The following ARID1A variants were observed in gnomAD, a reference collection of about 807,000 sequenced individuals.
The protein encoded by ARID1A is AT-rich interaction domain 1A.
Under a neutral mutation model 212.6 loss-of-function variants are expected in ARID1A, and 20 were observed. That is an observed-to-expected ratio of 0.09 (90% confidence interval 0.07 to 0.14). The LOEUF (loss-of-function observed/expected upper bound fraction) is 0.14, where lower values mean the gene tolerates loss of function less well. Ranked by LOEUF, ARID1A falls within the 10% of genes least tolerant of loss-of-function variation. ARID1A has a pLI of 1.00. For missense variants in ARID1A, 2,587 were observed against 3,059.0 expected, an observed-to-expected ratio of 0.85 and a Z score of 3.64; for synonymous variants, 1,376 against 1,222.1, an observed-to-expected ratio of 1.13 and a Z score of -2.63.
chr1:26,714,905 A>G lies in ARID1A; in HGVS notation c.1138-14746A>G, dbSNP rs77222375. ...GCTGCTTCTTGGTGTTTTTATCAAC[A>G]TACAGTACTTGATTGGATTGATGTA... On this transcript the variant is annotated intron_variant, in intron 1 of 19. Coordinates refer to ENST00000324856, the MANE Select transcript of ARID1A (RefSeq NM_006015.6). Among the ~76,000 whole-genome samples the G allele has an allele frequency of 2.4e-3, 372 of 152,350 alleles. 3 individuals are homozygous for G. Among genetic ancestry groups the G allele is most frequent in the African/African-American group, 8.5e-3 (355 of 41,580 alleles).
At chr1:26,752,121 A>G (rs930369738) in intron 4 of ARID1A, among the ~76,000 whole-genome samples, 10 of 152,316 alleles carry the variant, frequency 6.6e-5, no homozygotes, top group African/African-American at 2.4e-4. Flanking sequence ...GCTTGGTCCT[A>G]CACTAAAAGG....
chr1:26,768,451 A>G (rs2081057421), intron 11 of ARID1A, among the ~76,000 whole-genome samples: 1 of 152,192 alleles, frequency 6.6e-6, no homozygotes, highest in Non-Finnish European at 1.5e-5. Context: ...ATAACCCACT[A>G]GACTGTCAAA....
Position 26,696,625 on chromosome 1 carries a change from G to C in ARID1A, c.222G>C (p.Gln74His). 7.9e-7 allele frequency: 1 copy of C among 1,271,354 alleles called. No homozygotes were observed. The highest frequency in any genetic ancestry group is 3.2e-5 in the East Asian group (1 of 31,628). The allele number at this position is 1,271,354 out of a possible 1,614,324, so 78.8% of individuals were successfully genotyped here. The change falls in exon 1 of 20, where the codon CAG (glutamine) becomes CAC (histidine). Residue 74 changes from glutamine (Q) to histidine (H), a missense_variant. This residue lies in a region of ARID1A where 735 missense variants were observed against 590.6 expected (regional missense o/e 1.24). Transcript: ENST00000324856. ...CGCAGCCGCTGGGAAAGGAGCTGCA[G>C]GACGGGGCCGAGAGCAATGGGGGTG... ...GPPQPLGKEL[Q>H]DGAESNGGGG...
Position 26,772,161 on chromosome 1 carries a change from C to G in ARID1A, c.3407-339C>G, listed in dbSNP as rs2081088045. The G allele has an allele frequency of 1.2e-5, 3 of 245,252 alleles. No individual in the cohort carries two copies. The South Asian group carries it at 2.5e-4, about 21-fold the overall frequency. The allele number at this position is 245,252 out of a possible 1,614,324, so 15.2% of individuals were successfully genotyped here. A position where few individuals can be genotyped will look rare whatever the true frequency, so the allele number is the denominator to read the frequency against. The stretch of plus-strand genomic sequence containing the variant: ...GGAGGCTCTGACTGGAGCTCATGCA[C>G]CAGCATTACAGGGTTTAGTAGGTTA... On this transcript the variant is annotated intron_variant, in intron 12 of 19. Coordinates refer to ENST00000324856, the MANE Select transcript of ARID1A (RefSeq NM_006015.6).
In ARID1A at chr1:26,781,138, T is replaced by C. The variant is rs1198014666; in HGVS notation, c.*382T>C. Reference sequence around the variant, plus strand: ...GTCCTTGCATCAACGGGATGCCACATTTCATAACTGTTTTTAATGGTAAAA... The same window carrying C: ...GTCCTTGCATCAACGGGATGCCACACTTCATAACTGTTTTTAATGGTAAAA... On this transcript the variant is annotated 3_prime_UTR_variant, in exon 20 of 20. Coordinates refer to ENST00000324856, the MANE Select transcript of ARID1A (RefSeq NM_006015.6). 4.0e-6 allele frequency: 1 copy of C among 251,184 alleles called. No homozygotes were observed. The highest frequency in any genetic ancestry group is 5.5e-5 in the Admixed American group (1 of 18,178). The allele number at this position is 251,184 out of a possible 1,614,324, so 15.6% of individuals were successfully genotyped here. A position where few individuals can be genotyped will look rare whatever the true frequency, so the allele number is the denominator to read the frequency against.
chr1:26,706,462 G>C (rs1380428548), intron 1 of ARID1A, among the ~76,000 whole-genome samples: 3 of 152,162 alleles, frequency 2.0e-5, no homozygotes, highest in Non-Finnish European at 4.4e-5. Context: ...TGTGCTTGGT[G>C]TTTTTATTTT....
intron 1 of ARID1A, among the ~76,000 whole-genome samples, chr1:26,705,918 A>G (rs754641171): frequency 2.0e-5 from 3 of 152,254 alleles, no homozygotes; most frequent in Admixed American, 6.5e-5. Flanking sequence ...TCTAATGCCA[A>G]GAATGCATTC....
chr1:26,733,352 G>GA (rs1211045940), intron 4 of ARID1A, among the ~76,000 whole-genome samples: 2 of 152,092 alleles, frequency 1.3e-5, no homozygotes, highest in African/African-American at 4.8e-5. Flanking sequence ...CATATCCTGA[G>GA]ACAGGCAGTA....
At chr1:26,700,548 G>A (rs1393738675) in intron 1 of ARID1A, among the ~76,000 whole-genome samples, 1 of 152,182 alleles carries the variant, frequency 6.6e-6, no homozygotes, top group African/African-American at 2.4e-5. Flanking sequence ...GTTGATTTAA[G>A]GCTTTTTATT....
intron 18 of ARID1A, 118 bp from the exon 19 acceptor site, chr1:26,775,459 A>C (rs977027602): frequency 6.8e-7 from 1 of 1,468,762 alleles, no homozygotes; most frequent in African/African-American, 1.4e-5. Context: ...CATCTCCCAG[A>C]CAGAAACTGC....
chr1:26,720,870 CAAAAG>C (rs1394510685), intron 1 of ARID1A, among the ~76,000 whole-genome samples: 1 of 145,492 alleles, frequency 6.9e-6, no homozygotes, highest in Non-Finnish European at 1.5e-5. Flanking sequence ...CACCCTGTCT[CAAAAG>C]AAAAAAAAAA....
At chr1:26,737,552 G>A (rs539487045) in intron 4 of ARID1A, among the ~76,000 whole-genome samples, 2 of 152,152 alleles carry the variant, frequency 1.3e-5, no homozygotes, top group East Asian at 3.9e-4. Context: ...ATTACCCAGG[G>A]GAGTGTATTA....
intron 2 of ARID1A, 148 bp from the exon 3 acceptor site, chr1:26,731,004 G>A (rs1364216568): frequency 5.6e-6 from 5 of 890,178 alleles, no homozygotes; most frequent in Middle Eastern, 3.4e-4. Context: ...GTTTAGGCAG[G>A]GTGAGAGAAA....
At chr1:26,700,288 C>T (rs1429347324) in intron 1 of ARID1A, among the ~76,000 whole-genome samples, 1 of 152,156 alleles carries the variant, frequency 6.6e-6, no homozygotes, top group African/African-American at 2.4e-5. Flanking sequence ...CCATCTTTTC[C>T]TGGCGCAGTC....
At chr1:26,761,561 A>G in intron 6 of ARID1A, 88 bp downstream of exon 6, 1 of 1,326,736 alleles carries the variant, frequency 7.5e-7, no homozygotes, top group Non-Finnish European at 1.1e-6. Flanking sequence ...CTGTTTGACC[A>G]TGAAGCTTAG....
intron 1 of ARID1A, among the ~76,000 whole-genome samples, chr1:26,708,067 TTCCCTTCCA>T (rs1438400315): frequency 6.6e-6 from 1 of 152,086 alleles, no homozygotes; most frequent in Non-Finnish European, 1.5e-5. Flanking sequence ...TGTCCTGTCA[TTCCCTTCCA>T]TCCCTTCCAC....
intron 3 of ARID1A, 56 bp from the exon 4 acceptor site, chr1:26,732,620 A>AG: frequency 2.9e-6 from 4 of 1,390,710 alleles, no homozygotes; most frequent in Non-Finnish European, 3.1e-6. Context: ...CAGTGAAGTA[A>AG]GCCTGCCTGG....
intron 1 of ARID1A, among the ~76,000 whole-genome samples, chr1:26,717,055 A>G (rs1023839147): frequency 5.3e-5 from 8 of 152,146 alleles, no homozygotes; most frequent in Admixed American, 2.6e-4. Context: ...TTTATTTCCA[A>G]ACACTTCTCA....
chr1:26,733,488 T>C (rs2124793652), intron 4 of ARID1A, among the ~76,000 whole-genome samples: 1 of 152,174 alleles, frequency 6.6e-6, no homozygotes, highest in East Asian at 1.9e-4. Flanking sequence ...ACACGAGCAC[T>C]GCACATTGTA....
Sources: gnomAD v4.1 joint callset for allele counts (sites outside exome capture counted in the v4.1 genomes callset) on GRCh38, gnomAD v4.1.1 for gene constraint, gnomAD v4.1.1 regional missense constraint, MANE v1.5 for transcripts, NCBI Gene and HGNC (gene_info 2026-07-23, HGNC 2026-07-21) for gene names.